Variants in IL1RAPL2 observed in about 807,000 individuals in gnomAD.
IL1RAPL2 encodes interleukin 1 receptor accessory protein like 2, also known as X-linked interleukin-1 receptor accessory protein-like 2.
IL1RAPL2 carries 3 observed loss-of-function variants against 44.1 expected under a neutral mutation model. The ratio of observed to expected loss-of-function variants is 0.07; its 90% confidence interval spans 0.03 to 0.18. The LOEUF is 0.18. IL1RAPL2 is among the 10% of genes least tolerant of loss of function. The probability of loss-of-function intolerance (pLI) is 1.00; values close to 1 mark genes in which losing one functional copy is unlikely to be tolerated. For synonymous variants in IL1RAPL2, 181 were observed against 178.8 expected, an observed-to-expected ratio of 1.01 and a Z score of -0.10; for missense variants, 391 against 496.4, an observed-to-expected ratio of 0.79 and a Z score of 2.02.
chrX:105,068,073 CAT>C (rs1316463939), intron 2 of IL1RAPL2, among the ~76,000 whole-genome samples: 20 of 112,160 alleles, frequency 1.8e-4, no homozygotes, highest in Non-Finnish European at 3.0e-4. Context: ...CATATTATAA[CAT>C]GTGAATGTTT....
intron 2 of IL1RAPL2, among the ~76,000 whole-genome samples, chrX:104,924,579 A>G (rs1407819165): frequency 8.9e-6 from 1 of 111,956 alleles, no homozygotes; most frequent in Non-Finnish European, 1.9e-5. Flanking sequence ...ATGGAAACTA[A>G]ATAATTTGCT....
chrX:105,693,656 C>A (rs1455495958), intron 6 of IL1RAPL2, among the ~76,000 whole-genome samples: 7 of 111,500 alleles, frequency 6.3e-5, no homozygotes, highest in Non-Finnish European at 1.1e-4. Flanking sequence ...CTAACACAGA[C>A]CTTGAGTTGA....
At chrX:104,820,218 C>G (rs756060026) in intron 2 of IL1RAPL2, among the ~76,000 whole-genome samples, 1 of 111,630 alleles carries the variant, frequency 9.0e-6, no homozygotes, top group African/African-American at 3.3e-5. Context: ...AGTTACCTGG[C>G]CAGGAAATGG....
At chrX:104,630,149 A>AAT (rs1929606536) in intron 1 of IL1RAPL2, among the ~76,000 whole-genome samples, 1 of 23,440 alleles carries the variant, frequency 4.3e-5, no homozygotes, top group Non-Finnish European at 6.1e-5. Context: ...ACACCTGGAT[A>AAT]ATTTTTTTTT....
intron 2 of IL1RAPL2, among the ~76,000 whole-genome samples, chrX:104,676,142 A>G: frequency 9.1e-6 from 1 of 110,298 alleles, no homozygotes; most frequent in South Asian, 3.9e-4. Flanking sequence ...TCCTGTCATT[A>G]TGATGTTAGC....
chrX:105,704,435 C>G (rs1021160919), intron 6 of IL1RAPL2, among the ~76,000 whole-genome samples: 4 of 111,233 alleles, frequency 3.6e-5, no homozygotes, highest in African/African-American at 1.3e-4. Flanking sequence ...GGAGCCTTAA[C>G]AAGTAGACAA....
chrX:105,223,149 CAAA>C (rs72008975), intron 3 of IL1RAPL2, among the ~76,000 whole-genome samples: 1 of 67,296 alleles, frequency 1.5e-5, no homozygotes, highest in Admixed American at 1.7e-4. Flanking sequence ...GATTCAGTCT[CAAA>C]AAAAAAAAAA....
At chrX:105,264,640 T>C (rs1278777966) in intron 4 of IL1RAPL2, among the ~76,000 whole-genome samples, 1 of 111,960 alleles carries the variant, frequency 8.9e-6, no homozygotes, top group Non-Finnish European at 1.9e-5. Context: ...GTCTGTGTTG[T>C]ATGACCACTC....
Position 105,755,338 on chromosome X carries a change from C to G in IL1RAPL2, c.1354C>G (p.Pro452Ala), listed in dbSNP as rs894303732. 2.5e-6 allele frequency: 3 copies of G among 1,189,633 alleles called. No homozygotes were observed. The Admixed American group carries it at 6.8e-5, about 27-fold the overall frequency. The change falls in exon 10 of 11, where the codon CCA becomes GCA. Residue 452 changes from proline (P) to alanine (A), a missense_variant. This residue lies in a region of IL1RAPL2 where 232 missense variants were observed against 244.8 expected (regional missense o/e 0.95). Coordinates refer to ENST00000372582, the MANE Select transcript of IL1RAPL2 (RefSeq NM_017416.2). ...CTTCATCCCAGAAAGAGACCTGATT[C>G]CAAGTGGAAGTAAGTACTTTCAAAT... ...KLFIPERDLI[P>A]SGTYMEDLTR...
intron 5 of IL1RAPL2, among the ~76,000 whole-genome samples, chrX:105,303,961 C>A (rs1220483135): frequency 8.9e-6 from 1 of 112,527 alleles, no homozygotes; most frequent in Non-Finnish European, 1.9e-5. Flanking sequence ...ATTCAGAAAC[C>A]ATTTCTCTGC....
intron 4 of IL1RAPL2, among the ~76,000 whole-genome samples, chrX:105,257,731 G>T (rs1268669177): frequency 8.9e-6 from 1 of 112,056 alleles, no homozygotes; most frequent in Admixed American, 9.5e-5. Context: ...AATCTGCTTT[G>T]TCTGAAATTA....
chrX:105,057,603 C>A (rs1207221478), intron 2 of IL1RAPL2, among the ~76,000 whole-genome samples: 1 of 110,780 alleles, frequency 9.0e-6, no homozygotes, highest in Non-Finnish European at 1.9e-5. Flanking sequence ...CTATCAGAGT[C>A]CCCTTATAAT....
intron 5 of IL1RAPL2, among the ~76,000 whole-genome samples, chrX:105,445,346 G>A (rs1232370064): frequency 9.1e-6 from 1 of 109,944 alleles, no homozygotes; most frequent in Non-Finnish European, 1.9e-5. Context: ...TTCCTTGATC[G>A]TTTTTATTTC....
chrX:105,435,556 G>T (rs1341401245), intron 5 of IL1RAPL2, among the ~76,000 whole-genome samples: 1 of 111,224 alleles, frequency 9.0e-6, no homozygotes, highest in Non-Finnish European at 1.9e-5. Context: ...ATACACAAAG[G>T]GATATAAATC....
intron 2 of IL1RAPL2, among the ~76,000 whole-genome samples, chrX:104,727,671 A>T (rs1445537434): frequency 8.9e-6 from 1 of 111,840 alleles, no homozygotes; most frequent in Non-Finnish European, 1.9e-5. Context: ...CAGCAAAGAT[A>T]TGAAATCAAC....
chrX:104,866,827 A>G (rs1003694598), intron 2 of IL1RAPL2, among the ~76,000 whole-genome samples: 2 of 111,605 alleles, frequency 1.8e-5, no homozygotes, highest in African/African-American at 3.3e-5. Context: ...TGAGCTAATG[A>G]CAGATAATTT....
intron 2 of IL1RAPL2, among the ~76,000 whole-genome samples, chrX:104,995,587 T>C (rs890039862): frequency 2.7e-5 from 3 of 112,008 alleles, no homozygotes; most frequent in Non-Finnish European, 5.6e-5. Context: ...TCAGGCTGAA[T>C]TGAGTTGCCT....
intron 10 of IL1RAPL2, among the ~76,000 whole-genome samples, chrX:105,757,620 TG>T (rs753984222): frequency 1.8e-4 from 20 of 111,607 alleles, no homozygotes; most frequent in Non-Finnish European, 3.6e-4. Context: ...AGTAGGGGCT[TG>T]GATCTTGGGT....
chrX:104,782,778 A>C (rs1036386625), intron 2 of IL1RAPL2, among the ~76,000 whole-genome samples: 16 of 111,830 alleles, frequency 1.4e-4, no homozygotes, highest in African/African-American at 5.2e-4. Context: ...AGTGTGCATA[A>C]ATATACAGGC....
Sources: allele counts gnomAD v4.1 joint callset (sites outside exome capture counted in the v4.1 genomes callset), GRCh38; gene constraint gnomAD v4.1.1; regional missense constraint gnomAD v4.1.1; transcripts MANE v1.5; gene names NCBI Gene and HGNC (gene_info 2026-07-23, HGNC 2026-07-21).